The following PCNX2 variants were observed in gnomAD, a reference collection of about 807,000 sequenced individuals.
PCNX2 encodes the protein pecanex-like protein 2.
In PCNX2, 168 loss-of-function variants were observed where a neutral mutation model predicts 223.8. That is an observed-to-expected ratio of 0.75 (90% CI 0.66 to 0.85). PCNX2 has a LOEUF of 0.85. PCNX2 is among the 40% of genes least tolerant of loss of function. The pLI is 0.00. For missense variants in PCNX2, 2,507 were observed against 2,675.5 expected (o/e 0.94, Z 1.39); for synonymous variants, 1,006 against 1,052.6 (o/e 0.96, Z 0.86).
chr1:233,048,214 TG>T (rs768792742), intron 25 of PCNX2, among the ~76,000 whole-genome samples: 4 of 152,152 alleles, frequency 2.6e-5, no homozygotes, highest in Non-Finnish European at 5.9e-5. Context: ...CCCAGCACTT[TG>T]GGAGGCCAAG....
chr1:233,167,657 T>C, intron 17 of PCNX2: 11 of 831,784 alleles, frequency 1.3e-5, no homozygotes, highest in Non-Finnish European at 1.6e-5. Context: ...TATAGGTACC[T>C]CATGACATTG....
the PCNX2 span, among the ~76,000 whole-genome samples, chr1:233,301,103 A>T: frequency 6.6e-6 from 1 of 152,238 alleles, no homozygotes; most frequent in Non-Finnish European, 1.5e-5. Flanking sequence ...ATCCTCATAT[A>T]TGTAGACTCT....
intron 7 of PCNX2, 40 bp from the exon 8 acceptor site, chr1:233,250,872 T>G (rs1250042636): frequency 6.5e-7 from 1 of 1,533,276 alleles, no homozygotes; most frequent in Admixed American, 2.0e-5. Context: ...TATGACATAA[T>G]TATTCATATA....
At chr1:233,241,101 A>C (rs1658735526) in intron 8 of PCNX2, 1 of 886,310 alleles carries the variant, frequency 1.1e-6, no homozygotes. Flanking sequence ...AGGATGTTTA[A>C]CTAAAGCAGC....
chr1:233,141,763 G>A (rs1385305924), intron 19 of PCNX2, among the ~76,000 whole-genome samples: 1 of 127,094 alleles, frequency 7.9e-6, no homozygotes, highest in Non-Finnish European at 1.6e-5. Context: ...ATATGTGTGT[G>A]TATATGTATA....
intron 33 of PCNX2, 37 bp from the exon 34 acceptor site, chr1:232,984,514 C>G (rs1669395735): frequency 6.3e-7 from 1 of 1,592,852 alleles, no homozygotes; most frequent in Non-Finnish European, 8.6e-7. Flanking sequence ...AACAGCTCAG[C>G]AAACGTTCAC....
At chr1:233,175,972 A>C (rs1236696917) in intron 17 of PCNX2, among the ~76,000 whole-genome samples, 2 of 152,208 alleles carry the variant, frequency 1.3e-5, no homozygotes, top group Non-Finnish European at 2.9e-5. Context: ...CTGCAATTAA[A>C]TTCATCGAAA....
At chr1:233,185,308 A>C (rs570093485) in intron 15 of PCNX2, among the ~76,000 whole-genome samples, 1 of 152,216 alleles carries the variant, frequency 6.6e-6, no homozygotes, top group South Asian at 2.1e-4. Flanking sequence ...TCTCATCTCA[A>C]GTTATTGATC....
At chr1:233,129,906 G>T (rs551590370) in intron 21 of PCNX2, among the ~76,000 whole-genome samples, 2 of 152,176 alleles carry the variant, frequency 1.3e-5, no homozygotes, top group Non-Finnish European at 2.9e-5. Context: ...ATCTGCCAGG[G>T]TACTGAGAGC....
intron 1 of PCNX2, among the ~76,000 whole-genome samples, chr1:233,274,713 G>A (rs930539250): frequency 6.6e-6 from 1 of 152,150 alleles, no homozygotes; most frequent in Non-Finnish European, 1.5e-5. Flanking sequence ...CCAGGCAGAG[G>A]AAACAGCATG....
chr1:233,093,822 A>T (rs1212716451), intron 22 of PCNX2, among the ~76,000 whole-genome samples: 3 of 152,184 alleles, frequency 2.0e-5, no homozygotes, highest in Non-Finnish European at 4.4e-5. Context: ...TGTAAAATGG[A>T]ACCACCAAAT....
At chr1:233,014,967 A>G (rs1670599606) in intron 27 of PCNX2, among the ~76,000 whole-genome samples, 190 bp from the exon 28 acceptor site, 1 of 152,180 alleles carries the variant, frequency 6.6e-6, no homozygotes, top group Admixed American at 6.5e-5. Flanking sequence ...ACACGGAAAA[A>G]AAAATAAAAG....
intron 25 of PCNX2, among the ~76,000 whole-genome samples, chr1:233,048,847 A>C (rs1399411422): frequency 6.6e-6 from 1 of 152,208 alleles, no homozygotes; most frequent in Non-Finnish European, 1.5e-5. Context: ...TCCTAAAAGA[A>C]TACAAAAGAT....
At chr1:233,107,908 T>C (rs2102970867) in intron 21 of PCNX2, among the ~76,000 whole-genome samples, 1 of 152,192 alleles carries the variant, frequency 6.6e-6, no homozygotes, top group South Asian at 2.1e-4. Flanking sequence ...ACCTTGCTGA[T>C]AAAACAGGTT....
chr1:233,277,676 G>T (rs1303533399), intron 1 of PCNX2, among the ~76,000 whole-genome samples: 2 of 152,204 alleles, frequency 1.3e-5, no homozygotes, highest in Non-Finnish European at 2.9e-5. Flanking sequence ...GGGGGCTGCT[G>T]TTGGAGGCTC....
intron 1 of PCNX2, among the ~76,000 whole-genome samples, chr1:233,277,111 G>A (rs1308814833): frequency 6.6e-6 from 1 of 152,140 alleles, no homozygotes; most frequent in Non-Finnish European, 1.5e-5. Context: ...ATCAGCATTA[G>A]AGACACAAAG....
intron 21 of PCNX2, among the ~76,000 whole-genome samples, chr1:233,119,051 C>T (rs1460126513): frequency 6.6e-6 from 1 of 152,000 alleles, no homozygotes; most frequent in African/African-American, 2.4e-5. Flanking sequence ...AATATACTCA[C>T]ACAAACATGA....
chr1:233,178,503 GTAA>G (rs1313081616), intron 16 of PCNX2, among the ~76,000 whole-genome samples: 1 of 152,190 alleles, frequency 6.6e-6, no homozygotes, highest in East Asian at 1.9e-4. Context: ...AGGGAAGATT[GTAA>G]TGTATACTTT....
At chr1:233,166,289 A>G (rs1307372377) in intron 17 of PCNX2, among the ~76,000 whole-genome samples, 1 of 152,150 alleles carries the variant, frequency 6.6e-6, no homozygotes, top group African/African-American at 2.4e-5. Context: ...CAAACCATCA[A>G]ACTGCTCAAA....
Sources: gnomAD v4.1 joint callset for allele counts (sites outside exome capture counted in the v4.1 genomes callset) on GRCh38, gnomAD v4.1.1 for gene constraint, MANE v1.5 for transcripts, NCBI Gene and HGNC (gene_info 2026-07-23, HGNC 2026-07-21) for gene names.